Variants in ADAM2 observed in about 807,000 individuals in gnomAD.
ADAM2 encodes the protein ADAM metallopeptidase domain 2.
A neutral mutation model predicts 99.3 loss-of-function variants in ADAM2; 101 were observed. The observed-to-expected ratio is 1.02, with a 90% CI of 0.87 to 1.20. ADAM2 has a LOEUF of 1.20. Ranked by LOEUF, ADAM2 falls within the 50% of genes most tolerant of loss-of-function variation. The pLI is 0.00. For missense variants in ADAM2, 948 were observed against 878.7 expected, an observed-to-expected ratio of 1.08 and a Z score of -1.00; for synonymous variants, 323 against 287.6, an observed-to-expected ratio of 1.12 and a Z score of -1.25.
chr8:39,745,308 A>G (rs1307381681), intron 19 of ADAM2, among the ~76,000 whole-genome samples: 1 of 152,194 alleles, frequency 6.6e-6, no homozygotes, highest in Non-Finnish European at 1.5e-5. Flanking sequence ...CCACTTTAGT[A>G]TATTTAAATA....
intron 14 of ADAM2, among the ~76,000 whole-genome samples, chr8:39,762,024 C>T (rs536464622): frequency 5.3e-5 from 8 of 152,272 alleles, no homozygotes; most frequent in Admixed American, 4.6e-4. Context: ...GCAGAGCCTG[C>T]AGTGAGCCGA....
At chr8:39,836,340 G>T (rs1359288094) in intron 2 of ADAM2, among the ~76,000 whole-genome samples, 4 of 151,858 alleles carry the variant, frequency 2.6e-5, no homozygotes, top group African/African-American at 9.7e-5. Flanking sequence ...CATTAAAAAT[G>T]TTTCATAAAA....
intron 9 of ADAM2, among the ~76,000 whole-genome samples, chr8:39,787,880 T>A (rs370356473): frequency 1.3e-5 from 2 of 151,642 alleles, no homozygotes; most frequent in African/African-American, 4.8e-5. Context: ...GGGAACAAGA[T>A]TGGGGAGTGA....
At chr8:39,804,000 A>G (rs1174305111) in intron 7 of ADAM2, among the ~76,000 whole-genome samples, 1 of 152,208 alleles carries the variant, frequency 6.6e-6, no homozygotes, top group African/African-American at 2.4e-5. Context: ...TTCTAGTGTT[A>G]GACTGGAGCA....
chr8:39,832,372 G>T (rs1014879754), intron 3 of ADAM2, among the ~76,000 whole-genome samples: 3 of 152,138 alleles, frequency 2.0e-5, no homozygotes, highest in Admixed American at 6.5e-5. Flanking sequence ...GACTGACAGG[G>T]CTTGACATAG....
chr8:39,773,730 A>G (rs1384638656), intron 11 of ADAM2, among the ~76,000 whole-genome samples: 3 of 151,476 alleles, frequency 2.0e-5, no homozygotes, highest in Admixed American at 6.6e-5. Context: ...CACCTTTCCA[A>G]AAAGAGTTAT....
intron 10 of ADAM2, among the ~76,000 whole-genome samples, 191 bp downstream of exon 10, chr8:39,786,783 T>A (rs1413632588): frequency 2.0e-5 from 3 of 152,208 alleles, no homozygotes; most frequent in East Asian, 3.9e-4. Flanking sequence ...GAACTCATGA[T>A]AGGAAATTGA....
intron 2 of ADAM2, among the ~76,000 whole-genome samples, chr8:39,834,406 G>A (rs1003735340): frequency 4.6e-5 from 7 of 151,970 alleles, no homozygotes; most frequent in Non-Finnish European, 7.4e-5. Context: ...TTGATAGTTA[G>A]TACTATCAGT....
chr8:39,817,787 A>T (rs1292087727), intron 6 of ADAM2: 1 of 152,030 alleles, frequency 6.6e-6, no homozygotes, highest in Admixed American at 6.6e-5. Flanking sequence ...AGATTACTAA[A>T]AATCGTACCG....
At chr8:39,786,112 C>T (rs568505605) in intron 10 of ADAM2, among the ~76,000 whole-genome samples, 1 of 152,082 alleles carries the variant, frequency 6.6e-6, no homozygotes, top group Non-Finnish European at 1.5e-5. Context: ...ACATTGGGTC[C>T]ACTTAGACAT....
At position 39,837,301 on chromosome 8, in the gene ADAM2, A is replaced by G; in HGVS notation, c.56-89T>C. ...TTTTTCATCTAAATCTCTAATCTCT[A>G]TTCTATACGCTGCTTCTCATTTTTA... On this transcript the variant is annotated intron_variant, in intron 1 of 20. Coordinates refer to ENST00000265708, the MANE Select transcript of ADAM2 (RefSeq NM_001464.5). 3 of 781,502 alleles carry G rather than the reference A, an allele frequency of 3.8e-6. No individual in the cohort carries two copies. The Admixed American group carries it at 8.3e-5, about 22-fold the overall frequency. The allele number at this position is 781,502 out of a possible 1,614,324, so 48.4% of individuals were successfully genotyped here. A position where few individuals can be genotyped will look rare whatever the true frequency, so the allele number is the denominator to read the frequency against.
At chr8:39,832,614 T>A (rs887856172) in intron 3 of ADAM2, among the ~76,000 whole-genome samples, 1 of 152,224 alleles carries the variant, frequency 6.6e-6, no homozygotes, top group African/African-American at 2.4e-5. Context: ...TATTTTACAA[T>A]AACGTTTTGA....
intron 11 of ADAM2, among the ~76,000 whole-genome samples, chr8:39,773,515 T>C (rs756088772): frequency 5.3e-5 from 8 of 151,748 alleles, no homozygotes; most frequent in Non-Finnish European, 1.0e-4. Flanking sequence ...AAATCTAAGT[T>C]AGAGTGATTA....
chr8:39,783,766 A>G lies in ADAM2; in HGVS notation c.891+3208T>C, dbSNP rs543014281. Among the ~76,000 whole-genome samples the G allele has an allele frequency of 1.2e-4, 19 of 152,134 alleles. No individual in the cohort carries two copies. In the East Asian group the frequency reaches 3.1e-3, roughly 25 times the overall value. On this transcript the variant is annotated intron_variant, in intron 10 of 20. Coordinates refer to ENST00000265708, the MANE Select transcript of ADAM2 (RefSeq NM_001464.5). Reference sequence around the variant, plus strand: ...GGAGATCGAGACCATCCTGGCTAACATGGTGAAACCCCCATCTCTACTAAA... The same window carrying G: ...GGAGATCGAGACCATCCTGGCTAACGTGGTGAAACCCCCATCTCTACTAAA...
intron 7 of ADAM2, among the ~76,000 whole-genome samples, chr8:39,801,988 T>G (rs1318366722): frequency 6.6e-6 from 1 of 151,982 alleles, no homozygotes; most frequent in Non-Finnish European, 1.5e-5. Context: ...GGAGCTCAAA[T>G]GGTGTAGACA....
chr8:39,771,048 CTCAA>C (rs1802760771), intron 11 of ADAM2, among the ~76,000 whole-genome samples: 1 of 152,208 alleles, frequency 6.6e-6, no homozygotes, highest in African/African-American at 2.4e-5. Context: ...CCTATAGTTA[CTCAA>C]TCATTCAGAG....
intron 19 of ADAM2, among the ~76,000 whole-genome samples, chr8:39,746,062 G>A (rs1406320182): frequency 6.6e-6 from 1 of 151,898 alleles, no homozygotes; most frequent in African/African-American, 2.4e-5. Flanking sequence ...GTCTCACTCT[G>A]TTGCCTAGGC....
chr8:39,766,052 C>A (rs202012), intron 14 of ADAM2, among the ~76,000 whole-genome samples: 1 of 152,040 alleles, frequency 6.6e-6, no homozygotes, highest in Admixed American at 6.5e-5. Flanking sequence ...TTGTTTTTAA[C>A]GTCAGTGCAC....
chr8:39,823,036 G>A (rs1369177724), intron 4 of ADAM2, among the ~76,000 whole-genome samples: 1 of 152,066 alleles, frequency 6.6e-6, no homozygotes, highest in Non-Finnish European at 1.5e-5. Flanking sequence ...CAAAGTTCTG[G>A]GATTACCGGT....
Sources: allele counts gnomAD v4.1 joint callset (sites outside exome capture counted in the v4.1 genomes callset), GRCh38; gene constraint gnomAD v4.1.1; transcripts MANE v1.5; gene names NCBI Gene and HGNC (gene_info 2026-07-23, HGNC 2026-07-21).